Variants in GSE1 observed in about 807,000 individuals in gnomAD.
GSE1 encodes Gse1 coiled-coil protein, also known as genetic suppressor element 1.
In GSE1, 32 loss-of-function variants were observed where a neutral mutation model predicts 112.6. That is an observed-to-expected ratio of 0.28 (90% CI 0.21 to 0.38). GSE1 has a LOEUF of 0.38. GSE1 is among the 10% of genes least tolerant of loss of function. The pLI is 1.00. For synonymous variants in GSE1, 1,115 were observed against 735.6 expected (o/e 1.52, Z -8.35); for missense variants, 2,348 against 1,699.2 (o/e 1.38, Z -6.71).
At chr16:85,357,891 G>C (rs996431820) in intron 2 of GSE1, among the ~76,000 whole-genome samples, 1 of 152,038 alleles carries the variant, frequency 6.6e-6, no homozygotes, top group African/African-American at 2.4e-5. Context: ...CTGGGCTCCT[G>C]GGCTGCCTTT....
At chr16:85,183,477 G>A (rs1490775048) in intron 1 of GSE1, among the ~76,000 whole-genome samples, 1 of 152,192 alleles carries the variant, frequency 6.6e-6, no homozygotes, top group Non-Finnish European at 1.5e-5. Context: ...CCACAGCCAG[G>A]GCACCCAGAC....
chr16:85,192,144 G>A (rs2074836646), intron 1 of GSE1, among the ~76,000 whole-genome samples: 1 of 152,240 alleles, frequency 6.6e-6, no homozygotes, highest in Non-Finnish European at 1.5e-5. Flanking sequence ...GCACACATAG[G>A]CAGTACTGTG....
intron 1 of GSE1, among the ~76,000 whole-genome samples, chr16:85,275,425 A>C (rs1255124140): frequency 6.6e-6 from 1 of 152,210 alleles, no homozygotes; most frequent in Non-Finnish European, 1.5e-5. Flanking sequence ...CTCCCTTGGC[A>C]CCAGCAAGGA....
At chr16:85,365,157 G>A (rs1205382495) in intron 2 of GSE1, among the ~76,000 whole-genome samples, 1 of 152,172 alleles carries the variant, frequency 6.6e-6, no homozygotes, top group Non-Finnish European at 1.5e-5. Flanking sequence ...AGCTCCTCTG[G>A]GACAGGGCTG....
chr16:85,496,239 C>A (rs1005427150), intron 2 of GSE1, among the ~76,000 whole-genome samples: 6 of 152,236 alleles, frequency 3.9e-5, no homozygotes, highest in Admixed American at 1.3e-4. Flanking sequence ...TCTCCCGCCA[C>A]CCCGTGCCTC....
At chr16:85,574,982 T>C (rs12918415) in intron 1 of GSE1, among the ~76,000 whole-genome samples, 1 of 152,196 alleles carries the variant, frequency 6.6e-6, no homozygotes, top group African/African-American at 2.4e-5. Flanking sequence ...GCAGCCCCCT[T>C]GCCCTGCCAG....
At chr16:85,171,280 C>G in exon 1 of GSE1, 1 of 985,600 alleles carries the variant, frequency 1.0e-6, no homozygotes, top group Non-Finnish European at 1.2e-6. Flanking sequence ...GGCGTCGGCC[C>G]AGGGCGGCCC....
intron 1 of GSE1, among the ~76,000 whole-genome samples, chr16:85,597,260 T>C (rs1402966928): frequency 1.3e-5 from 2 of 150,168 alleles, no homozygotes; most frequent in Admixed American, 1.3e-4. Context: ...ATTAATGGCG[T>C]GAGCCACCGT....
At chr16:85,672,236 C>A in intron 15 of GSE1, 169 bp from the exon 16 acceptor site, 1 of 606,506 alleles carries the variant, frequency 1.6e-6, no homozygotes, top group Non-Finnish European at 3.0e-6. Flanking sequence ...GACAGGTGAT[C>A]TGCCCGCCTC....
At chr16:85,573,747 C>G (rs1218297295) in intron 1 of GSE1, among the ~76,000 whole-genome samples, 1 of 152,222 alleles carries the variant, frequency 6.6e-6, no homozygotes, top group East Asian at 1.9e-4. Flanking sequence ...TTGTGCCAGT[C>G]TGGGCCCGGG....
intron 1 of GSE1, among the ~76,000 whole-genome samples, chr16:85,284,575 C>T (rs555869182): frequency 2.2e-3 from 338 of 152,300 alleles, no homozygotes; most frequent in Admixed American, 3.9e-3. Flanking sequence ...TGACGATTCT[C>T]GGGAACTCGG....
At chr16:85,312,209 G>GGGGT (rs1555559892) in intron 1 of GSE1, among the ~76,000 whole-genome samples, 1 of 150,360 alleles carries the variant, frequency 6.7e-6, no homozygotes, top group African/African-American at 2.5e-5. Context: ...TCTTGCGGGG[G>GGGGT]GGGGGGGGAC....
At position 85,494,453 on chromosome 16, in the gene GSE1, C is replaced by CTT. The variant is rs55779671; in HGVS notation, c.2464+136824_2464+136825dup. Among the ~76,000 whole-genome samples the CTT allele has an allele frequency of 5.9e-3, 837 of 142,878 alleles. 7 individuals are homozygous for CTT. The highest frequency in any genetic ancestry group is 0.014 in the African/African-American group (528 of 38,208). 93.7% of individuals were successfully genotyped at this position (142,878 alleles called of 152,430 possible). Reference sequence around the variant, plus strand: ...AGATCCCATTTCCAAATAAGGTCACCTTTTTTTTTTTTTTTCCAAGACAGG... The same window carrying CTT: ...AGATCCCATTTCCAAATAAGGTCACCTTTTTTTTTTTTTTTTTCCAAGACAGG... On this transcript the variant is annotated intron_variant, in intron 2 of 2. Coordinates refer to the GSE1 transcript ENST00000637419.
chr16:85,553,167 T>C (rs1292946771), upstream of GSE1, among the ~76,000 whole-genome samples: 2 of 144,578 alleles, frequency 1.4e-5, no homozygotes, highest in African/African-American at 5.1e-5. Context: ...GCACAGATCA[T>C]GCAGCTCGCG....
At chr16:85,334,309 C>T (rs2046437424) in intron 1 of GSE1, among the ~76,000 whole-genome samples, 1 of 152,226 alleles carries the variant, frequency 6.6e-6, no homozygotes, top group South Asian at 2.1e-4. Context: ...TCTGTTTTGT[C>T]ATCTGGAAAA....
intron 1 of GSE1, among the ~76,000 whole-genome samples, chr16:85,316,410 C>A (rs2045986413): frequency 6.6e-6 from 1 of 152,202 alleles, no homozygotes; most frequent in Non-Finnish European, 1.5e-5. Flanking sequence ...GGCTCCCTAG[C>A]CACGTGTGGC....
chr16:85,393,123 G>A (rs2047883045), intron 2 of GSE1, among the ~76,000 whole-genome samples: 1 of 152,342 alleles, frequency 6.6e-6, no homozygotes, highest in South Asian at 2.1e-4. Flanking sequence ...GAGAAACTGC[G>A]CTGGGCACGG....
rs151268326 is a variant in GSE1, at chr16:85,584,869, A to G, written c.37+28506A>G. ...AACGCGTGCCAAGGTGGAGGCTGCC[A>G]AGACCCTCGCCCCCTGCACTCCTTC... is the stretch of plus-strand genomic sequence containing the variant. On this transcript the variant is annotated intron_variant, in intron 1 of 2. Transcript: ENST00000635906. Among the ~76,000 whole-genome samples the G allele has an allele frequency of 3.2e-3, 486 of 151,590 alleles. 3 individuals are homozygous for G. The highest frequency in any genetic ancestry group is 0.011 in the African/African-American group (467 of 41,296).
chr16:85,668,537 C>A, intron 14 of GSE1, 113 bp downstream of exon 14: 1 of 712,234 alleles, frequency 1.4e-6, no homozygotes, highest in East Asian at 2.6e-5. Context: ...TTTCTCCGTC[C>A]TGGGGCACAG....
Sources: gnomAD v4.1 joint callset for allele counts (sites outside exome capture counted in the v4.1 genomes callset) on GRCh38, gnomAD v4.1.1 for gene constraint, MANE v1.5 for transcripts, NCBI Gene and HGNC (gene_info 2026-07-23, HGNC 2026-07-21) for gene names.